Variants in BNC2 observed in about 807,000 individuals in gnomAD.
BNC2 encodes basonuclin zinc finger protein 2.
A neutral mutation model predicts 76.3 loss-of-function variants in BNC2; 20 were observed. The observed-to-expected ratio is 0.26, with a 90% CI of 0.18 to 0.38. The LOEUF (loss-of-function observed/expected upper bound fraction) is 0.38. BNC2 is among the 10% of genes least tolerant of loss of function. The pLI, the probability that BNC2 is intolerant of heterozygous loss-of-function variation, is 1.00. For missense variants in BNC2, 1,382 were observed against 1,399.8 expected, an observed-to-expected ratio of 0.99 and a Z score of 0.20; for synonymous variants, 582 against 514.8, an observed-to-expected ratio of 1.13 and a Z score of -1.77.
intron 1 of BNC2, among the ~76,000 whole-genome samples, chr9:16,861,123 CT>C (rs1819396709): frequency 6.7e-6 from 1 of 150,332 alleles, no homozygotes; most frequent in African/African-American, 2.5e-5. Flanking sequence ...AACAGGATCG[CT>C]TGAGGCCAGG....
chr9:16,592,075 C>A (rs1819943801), intron 3 of BNC2, among the ~76,000 whole-genome samples: 1 of 151,876 alleles, frequency 6.6e-6, no homozygotes, highest in Non-Finnish European at 1.5e-5. Context: ...TGGTAAAAGA[C>A]AAAAAGCTGG....
chr9:16,683,073 C>G (rs1338170611), intron 3 of BNC2, among the ~76,000 whole-genome samples: 1 of 152,104 alleles, frequency 6.6e-6, no homozygotes, highest in Non-Finnish European at 1.5e-5. Context: ...AGTTATTTTT[C>G]TGAATCAAGC....
chr9:16,508,792 T>C (rs114773506), intron 5 of BNC2, among the ~76,000 whole-genome samples: 2,410 of 151,542 alleles, frequency 0.016, 62 homozygotes, highest in African/African-American at 0.056. Context: ...TTCTCTACTC[T>C]TTCCCTCCTC....
chr9:16,499,125 C>G (rs1435720914), intron 5 of BNC2, among the ~76,000 whole-genome samples: 1 of 152,200 alleles, frequency 6.6e-6, no homozygotes, highest in Non-Finnish European at 1.5e-5. Flanking sequence ...TTAAAATACA[C>G]TGCACTCTTA....
chr9:16,855,927 T>C (rs60176654), intron 1 of BNC2, among the ~76,000 whole-genome samples: 21,983 of 152,122 alleles, frequency 0.14, 2,314 homozygotes, highest in African/African-American at 0.3. Flanking sequence ...TTATTCCATA[T>C]ATAGTAAGTA....
At chr9:16,598,346 TCTATTA>T (rs1225259185) in intron 3 of BNC2, among the ~76,000 whole-genome samples, 2 of 152,218 alleles carry the variant, frequency 1.3e-5, no homozygotes, top group Non-Finnish European at 2.9e-5. Context: ...TGCTAAAATG[TCTATTA>T]CTGAGTATTA....
At chr9:16,658,257 T>C (rs1377258397) in intron 3 of BNC2, among the ~76,000 whole-genome samples, 1 of 139,004 alleles carries the variant, frequency 7.2e-6, no homozygotes, top group East Asian at 2.2e-4. Context: ...TTAAGTGTTT[T>C]TGCAGTAATC....
Position 16,411,646 on chromosome 9 carries a change from G to T in BNC2, c.*7343C>A, listed in dbSNP as rs575988574. The T allele has an allele frequency of 3.1e-4, 48 of 152,712 alleles. No individual in the cohort carries two copies. The highest frequency in any genetic ancestry group is 1.1e-3 in the African/African-American group (47 of 41,576). 9.5% of individuals were successfully genotyped at this position (152,712 alleles called of 1,614,324 possible). On this transcript the variant is annotated 3_prime_UTR_variant, in exon 7 of 7. Coordinates refer to ENST00000380672, the MANE Select transcript of BNC2 (RefSeq NM_017637.6). ...CCTTTGCTCGAACCCAAGAGTCCTTGCTCAAAGTGCTTTTCTTCCCAGTCC... is the reference window on the plus strand; with the variant it reads ...CCTTTGCTCGAACCCAAGAGTCCTTTCTCAAAGTGCTTTTCTTCCCAGTCC...
At chr9:16,680,134 C>T (rs546630783) in intron 3 of BNC2, among the ~76,000 whole-genome samples, 1 of 152,182 alleles carries the variant, frequency 6.6e-6, no homozygotes, top group Non-Finnish European at 1.5e-5. Context: ...TCAATAGAAA[C>T]ATACAACATT....
At chr9:16,495,911 CTTTT>C (rs61004769) in intron 5 of BNC2, among the ~76,000 whole-genome samples, 3 of 142,902 alleles carry the variant, frequency 2.1e-5, no homozygotes, top group African/African-American at 5.1e-5. Context: ...TTTTCTTTTT[CTTTT>C]TTTTTTTTTT....
chr9:16,418,071 G>C lies in BNC2; in HGVS notation c.*918C>G, dbSNP rs537449081. The C allele has an allele frequency of 6.6e-6, 1 of 152,596 alleles. No homozygotes were observed. Among genetic ancestry groups the C allele is most frequent in the African/African-American group, 2.4e-5 (1 of 41,508 alleles). The allele number at this position is 152,596 out of a possible 1,614,324, so 9.5% of individuals were successfully genotyped here. ...CTGACCAGACCATTTTTATACAAGT[G>C]AATTTTTTTTAAAAAAGACACTTAC... On this transcript the variant is annotated 3_prime_UTR_variant, in exon 7 of 7. Coordinates refer to ENST00000380672, the MANE Select transcript of BNC2 (RefSeq NM_017637.6).
chr9:16,431,217 T>C (rs1820901723), intron 6 of BNC2, among the ~76,000 whole-genome samples: 1 of 152,206 alleles, frequency 6.6e-6, no homozygotes, highest in South Asian at 2.1e-4. Flanking sequence ...TTTTAACATA[T>C]GAGCCAATGA....
chr9:16,834,979 G>A (rs1355081672), intron 1 of BNC2, among the ~76,000 whole-genome samples: 2 of 152,042 alleles, frequency 1.3e-5, no homozygotes, highest in Non-Finnish European at 2.9e-5. Flanking sequence ...GGATCCAGTC[G>A]GTCATGGATA....
intron 1 of BNC2, among the ~76,000 whole-genome samples, chr9:16,816,423 G>C (rs1394249532): frequency 6.6e-6 from 1 of 152,214 alleles, no homozygotes; most frequent in East Asian, 1.9e-4. Flanking sequence ...ACACAGGCCA[G>C]TTCTGCGCTG....
intron 3 of BNC2, among the ~76,000 whole-genome samples, chr9:16,606,853 T>C (rs937868434): frequency 5.3e-5 from 8 of 152,216 alleles, no homozygotes. Flanking sequence ...CCACCACGCC[T>C]GGCCGGCGAT....
intron 3 of BNC2, among the ~76,000 whole-genome samples, chr9:16,717,290 T>C (rs2134812479): frequency 6.6e-6 from 1 of 152,332 alleles, no homozygotes; most frequent in East Asian, 1.9e-4. Flanking sequence ...TAAAATGCCT[T>C]GTTGTAATCC....
intron 5 of BNC2, among the ~76,000 whole-genome samples, chr9:16,496,527 C>A (rs1036040095): frequency 6.6e-6 from 1 of 152,170 alleles, no homozygotes; most frequent in African/African-American, 2.4e-5. Context: ...CTGTGAGGCA[C>A]TTTATTTTTA....
intron 5 of BNC2, among the ~76,000 whole-genome samples, chr9:16,458,462 A>G (rs1467028502): frequency 6.6e-6 from 1 of 152,188 alleles, no homozygotes; most frequent in African/African-American, 2.4e-5. Context: ...AGGGTAGAAA[A>G]TCTTCATTGT....
chr9:16,470,800 T>C (rs1489951709), intron 5 of BNC2, among the ~76,000 whole-genome samples: 1 of 152,204 alleles, frequency 6.6e-6, no homozygotes, highest in Non-Finnish European at 1.5e-5. Context: ...TGGCAAAAGT[T>C]TGCTGCAGGG....
Sources: allele counts gnomAD v4.1 joint callset (sites outside exome capture counted in the v4.1 genomes callset), GRCh38; gene constraint gnomAD v4.1.1; transcripts MANE v1.5; gene names NCBI Gene and HGNC (gene_info 2026-07-23, HGNC 2026-07-21).